DTNB: variants seen among roughly 807,000 people sequenced by gnomAD.
DTNB encodes the protein DTN-B.
A neutral mutation model predicts 90.7 loss-of-function variants in DTNB; 63 were observed. The ratio of observed to expected loss-of-function variants is 0.69; its 90% CI spans 0.57 to 0.86. The LOEUF (loss-of-function observed/expected upper bound fraction) is 0.86, where lower values mean the gene tolerates loss of function less well. Among genes scored for constraint, DTNB ranks in the 40% least tolerant of loss-of-function variants. The pLI is 0.00. For synonymous variants in DTNB, 277 were observed against 286.7 expected, an observed-to-expected ratio of 0.97 and a Z score of 0.34; for missense variants, 744 against 807.1, an observed-to-expected ratio of 0.92 and a Z score of 0.95.
chr2:25,606,009 A>G (rs1432756552), intron 5 of DTNB, among the ~76,000 whole-genome samples: 2 of 152,188 alleles, frequency 1.3e-5, no homozygotes, highest in Non-Finnish European at 2.9e-5. Context: ...CAGTTGACCA[A>G]ATACATTAAG....
At chr2:25,632,208 A>G (rs1224875490) in intron 3 of DTNB, among the ~76,000 whole-genome samples, 4 of 151,608 alleles carry the variant, frequency 2.6e-5, no homozygotes, top group African/African-American at 9.7e-5. Flanking sequence ...AAAAAAAAAA[A>G]AAAAAGAAAT....
intron 1 of DTNB, among the ~76,000 whole-genome samples, chr2:25,653,357 C>G (rs753868989): frequency 4.1e-4 from 62 of 150,640 alleles, no homozygotes; most frequent in African/African-American, 1.4e-3. Context: ...GTAAAAAGTG[C>G]CTTTCACCTC....
At chr2:25,599,461 C>T (rs2065367073) in intron 5 of DTNB, among the ~76,000 whole-genome samples, 1 of 151,886 alleles carries the variant, frequency 6.6e-6, no homozygotes, top group Non-Finnish European at 1.5e-5. Flanking sequence ...CCTGCCTCAG[C>T]CTCCTGAGTA....
Position 25,639,010 on chromosome 2 carries a change from T to C in DTNB, c.148+4A>G. On this transcript the variant is annotated splice_donor_region_variant and intron_variant, in intron 3 of 20. Coordinates refer to ENST00000406818, the MANE Select transcript of DTNB (RefSeq NM_021907.5). ...TATCACAGAAATGAGTAGAAATGAC[T>C]CACGGTTGCATCGTTTTTGTACAAA... is the stretch of plus-strand genomic sequence containing the variant. 1 of 1,578,256 alleles carries C rather than the reference T, an allele frequency of 6.3e-7. No homozygotes were observed. The highest frequency in any genetic ancestry group is 1.2e-5 in the South Asian group (1 of 86,010).
intron 8 of DTNB, among the ~76,000 whole-genome samples, chr2:25,544,770 T>G (rs1284775468): frequency 6.6e-6 from 1 of 152,224 alleles, no homozygotes; most frequent in Admixed American, 6.5e-5. Context: ...TATTATAAGC[T>G]CACCAAAATT....
chr2:25,656,598 C>T lies in DTNB; in HGVS notation c.-1-3937G>A, dbSNP rs548629495. On this transcript the variant is annotated intron_variant, in intron 1 of 20. Transcript: ENST00000406818. The stretch of plus-strand genomic sequence containing the variant: ...CCTCATAATCACGCTCATATCCACC[C>T]TCTTTTCCCATTTCAACTGCCAAAA... Among the ~76,000 whole-genome samples the T allele has an allele frequency of 9.2e-5, 14 of 152,334 alleles. No homozygotes were observed. In the South Asian group the frequency reaches 2.3e-3, roughly 25 times the overall value.
intron 1 of DTNB, 57 bp from the exon 2 acceptor site, chr2:25,652,718 G>T: frequency 1.3e-6 from 2 of 1,566,878 alleles, no homozygotes. Flanking sequence ...TCAATCAAGT[G>T]CTAATCATTC....
chr2:25,554,084 G>C (rs187325354), intron 8 of DTNB, among the ~76,000 whole-genome samples: 1 of 152,150 alleles, frequency 6.6e-6, no homozygotes, highest in Middle Eastern at 3.4e-3. Context: ...CTTGAAATAC[G>C]AATAACTGCT....
At chr2:25,379,546 CAGG>C (rs1016754373) in intron 19 of DTNB, 6 of 429,540 alleles carry the variant, frequency 1.4e-5, no homozygotes, top group Admixed American at 4.4e-5. Flanking sequence ...AGATGCTTCT[CAGG>C]AGAAGGAAAG....
At chr2:25,388,092 T>C in intron 17 of DTNB, 110 bp downstream of exon 17, 11 of 1,488,718 alleles carry the variant, frequency 7.4e-6, no homozygotes, top group Non-Finnish European at 9.0e-6. Flanking sequence ...CAAAATCTGA[T>C]CATTCCAAGC....
chr2:25,644,247 G>A (rs1008529043), intron 2 of DTNB, among the ~76,000 whole-genome samples: 4 of 152,040 alleles, frequency 2.6e-5, no homozygotes, highest in African/African-American at 4.8e-5. Flanking sequence ...TCTTTCTTGC[G>A]TGAGATCCAA....
rs1263125620 is a variant in DTNB at position 25,397,835 on chromosome 2, C to G, written c.1576-9474G>C. 2.0e-5 allele frequency among the ~76,000 whole-genome samples: 3 copies of G among 147,118 alleles called. No homozygotes were observed. In the East Asian group the frequency reaches 6.0e-4, roughly 29 times the overall value. ...GTGGAGCTTGCAGTGAGCCAAAATC[C>G]TGCCACTGCCCTCCAGCCTGGGTGA... On this transcript the variant is annotated intron_variant, in intron 16 of 20. Coordinates refer to ENST00000406818, the MANE Select transcript of DTNB (RefSeq NM_021907.5).
At chr2:25,383,123 T>C (rs1345322299) in intron 19 of DTNB, among the ~76,000 whole-genome samples, 2 of 152,172 alleles carry the variant, frequency 1.3e-5, no homozygotes, top group Non-Finnish European at 2.9e-5. Context: ...CTCTTCCTTT[T>C]CAGAAACCCT....
At chr2:25,650,859 G>A (rs1451604358) in intron 2 of DTNB, among the ~76,000 whole-genome samples, 1 of 152,116 alleles carries the variant, frequency 6.6e-6, no homozygotes, top group African/African-American at 2.4e-5. Flanking sequence ...TACTCACGAG[G>A]CTGAAGCATG....
At chr2:25,438,072 C>T (rs1037138299) in intron 12 of DTNB, among the ~76,000 whole-genome samples, 2 of 152,064 alleles carry the variant, frequency 1.3e-5, no homozygotes, top group South Asian at 4.1e-4. Flanking sequence ...TGAGGGAAGG[C>T]CTGCTGGGCA....
chr2:25,497,827 A>C (rs1250468382), intron 9 of DTNB, among the ~76,000 whole-genome samples: 1 of 152,138 alleles, frequency 6.6e-6, no homozygotes, highest in African/African-American at 2.4e-5. Context: ...TGCCACCATC[A>C]CATTTCAGCC....
At chr2:25,514,136 G>GA (rs1450326519) in intron 9 of DTNB, among the ~76,000 whole-genome samples, 3 of 152,132 alleles carry the variant, frequency 2.0e-5, no homozygotes, top group Non-Finnish European at 2.9e-5. Flanking sequence ...AAGGTAAGAG[G>GA]AAACAGAGTG....
chr2:25,451,497 T>A, intron 12 of DTNB, 51 bp downstream of exon 12: 2 of 1,542,194 alleles, frequency 1.3e-6, no homozygotes, highest in Admixed American at 2.0e-5. Flanking sequence ...CATTTGCATA[T>A]TAAAGTAATG....
chr2:25,558,460 A>T, intron 8 of DTNB: 1 of 946,500 alleles, frequency 1.1e-6, no homozygotes, highest in Middle Eastern at 5.4e-4. Flanking sequence ...TGGCTAAGTG[A>T]TGACTGCCAC....
Sources: gnomAD v4.1 joint callset for allele counts (sites outside exome capture counted in the v4.1 genomes callset) on GRCh38, gnomAD v4.1.1 for gene constraint, MANE v1.5 for transcripts, NCBI Gene and HGNC (gene_info 2026-07-23, HGNC 2026-07-21) for gene names.